The following SPIDR variants were observed in gnomAD, a reference collection of about 807,000 sequenced individuals.
The protein encoded by SPIDR is scaffold protein involved in DNA repair, also known as DNA repair-scaffolding protein.
SPIDR carries 93 observed loss-of-function variants against 104.6 expected under a neutral mutation model. The ratio of observed to expected loss-of-function variants is 0.89; its 90% CI spans 0.75 to 1.06. The LOEUF is 1.06. SPIDR is among the 50% of genes least tolerant of loss of function. The pLI is 0.00. For synonymous variants in SPIDR, 431 were observed against 416.9 expected, an observed-to-expected ratio of 1.03 and a Z score of -0.41; for missense variants, 1,154 against 1,111.2, an observed-to-expected ratio of 1.04 and a Z score of -0.55.
chr8:47,527,337 A>G (rs529015071), intron 8 of SPIDR: 1 of 152,290 alleles, frequency 6.6e-6, no homozygotes, highest in Admixed American at 6.5e-5. Context: ...GGGAGAAAAA[A>G]GCTTAGAAGC....
chr8:47,405,736 G>C (rs1398994654), intron 6 of SPIDR, among the ~76,000 whole-genome samples: 1 of 152,174 alleles, frequency 6.6e-6, no homozygotes, highest in East Asian at 1.9e-4. Context: ...GTTCAAAAGA[G>C]TTAATTTGGA....
At chr8:47,718,198 G>A (rs752704867) in intron 16 of SPIDR, among the ~76,000 whole-genome samples, 9 of 152,162 alleles carry the variant, frequency 5.9e-5, no homozygotes, top group African/African-American at 1.9e-4. Flanking sequence ...CTACGTGCTT[G>A]CCTCCATGTG....
chr8:47,343,340 A>G (rs564727341), intron 5 of SPIDR, among the ~76,000 whole-genome samples: 2 of 152,282 alleles, frequency 1.3e-5, no homozygotes, highest in South Asian at 4.1e-4. Context: ...TCTCATTCCC[A>G]GTACCTAGCA....
intron 10 of SPIDR, among the ~76,000 whole-genome samples, chr8:47,663,368 C>A (rs1440831181): frequency 6.6e-6 from 1 of 152,212 alleles, no homozygotes; most frequent in African/African-American, 2.4e-5. Flanking sequence ...ACACAGAGGG[C>A]AGGGACTGTT....
At chr8:47,660,360 G>T in intron 10 of SPIDR, 1 of 683,692 alleles carries the variant, frequency 1.5e-6, no homozygotes. Context: ...CCTCTTATCT[G>T]TATTATTTTA....
Position 47,701,785 on chromosome 8 carries a change from A to G in SPIDR, c.1838A>G (p.Gln613Arg). The G allele has an allele frequency of 6.2e-7, 1 of 1,614,188 alleles. No individual in the cohort carries two copies. The change falls in exon 13 of 20, where the codon CAA becomes CGA. Residue 613 changes from glutamine to arginine, a missense_variant. Transcript: ENST00000297423. ...YILTAHPNLG[Q>R]IDIIDEDPIY... ...CTCACAGCTCATCCAAATCTGGGAC[A>G]AATTGATATAATTGACGAAGACCCC...
intron 10 of SPIDR, among the ~76,000 whole-genome samples, chr8:47,634,076 C>CA (rs2067495484): frequency 6.8e-6 from 1 of 147,780 alleles, no homozygotes; most frequent in Non-Finnish European, 1.5e-5. Context: ...GCCTGCGTGA[C>CA]AGAGTAAGAC....
intron 7 of SPIDR, among the ~76,000 whole-genome samples, chr8:47,421,868 G>C (rs1472505113): frequency 3.9e-5 from 6 of 152,182 alleles, no homozygotes; most frequent in Admixed American, 3.9e-4. Context: ...GAGTTTGCTG[G>C]AGGTCCACTC....
chr8:47,664,743 CAAAA>C (rs771963348), intron 10 of SPIDR, among the ~76,000 whole-genome samples: 1 of 63,528 alleles, frequency 1.6e-5, no homozygotes. Flanking sequence ...CCCATCTCTA[CAAAA>C]AAAAAAAAAA....
chr8:47,393,850 TTCCTTCCTTCCG>T (rs1345248505), intron 5 of SPIDR, among the ~76,000 whole-genome samples: 2 of 149,874 alleles, frequency 1.3e-5, no homozygotes, highest in African/African-American at 5.0e-5. Flanking sequence ...TTTCCCTTCC[TTCCTTCCTTCCG>T]TCCTTCCGTC....
At chr8:47,381,933 C>G (rs2154300723) in intron 5 of SPIDR, among the ~76,000 whole-genome samples, 1 of 152,264 alleles carries the variant, frequency 6.6e-6, no homozygotes, top group South Asian at 2.1e-4. Context: ...TTTGTTCTAC[C>G]AGCTGGGTAG....
chr8:47,715,050 C>G (rs1358476931), intron 16 of SPIDR, among the ~76,000 whole-genome samples: 3 of 152,062 alleles, frequency 2.0e-5, no homozygotes, highest in African/African-American at 7.2e-5. Context: ...GAACAAAAAC[C>G]CATACCCGTT....
chr8:47,709,281 C>T (rs1017259395), intron 14 of SPIDR, among the ~76,000 whole-genome samples: 1 of 152,238 alleles, frequency 6.6e-6, no homozygotes, highest in Non-Finnish European at 1.5e-5. Context: ...GCTGGAATTA[C>T]AGGCATGCAC....
intron 8 of SPIDR, among the ~76,000 whole-genome samples, chr8:47,499,803 C>G (rs1320644733): frequency 1.3e-5 from 2 of 152,010 alleles, no homozygotes; most frequent in Non-Finnish European, 2.9e-5. Context: ...CCCACCCCAC[C>G]CACAACAGGC....
At chr8:47,421,989 C>A (rs889275807) in intron 7 of SPIDR, among the ~76,000 whole-genome samples, 1 of 152,252 alleles carries the variant, frequency 6.6e-6, no homozygotes, top group Middle Eastern at 3.4e-3. Context: ...CAGAGGAGTA[C>A]CTGGCTGTGT....
intron 5 of SPIDR, among the ~76,000 whole-genome samples, chr8:47,386,932 T>C (rs191944873): frequency 8.3e-5 from 12 of 144,846 alleles, no homozygotes; most frequent in African/African-American, 3.4e-4. Context: ...GATATAGATA[T>C]AGATATAGAT....
At chr8:47,477,903 C>T (rs2076462567) in intron 8 of SPIDR, among the ~76,000 whole-genome samples, 1 of 152,062 alleles carries the variant, frequency 6.6e-6, no homozygotes, top group Non-Finnish European at 1.5e-5. Flanking sequence ...GGAGGCACCC[C>T]CAGGAAAGAC....
chr8:47,636,500 C>T (rs2067941845), intron 10 of SPIDR, among the ~76,000 whole-genome samples: 3 of 152,178 alleles, frequency 2.0e-5, no homozygotes, highest in Admixed American at 1.3e-4. Context: ...AAAGCCAAGA[C>T]AGATCAAAAG....
At chr8:47,270,737 G>T (rs1167307497) in intron 1 of SPIDR, among the ~76,000 whole-genome samples, 1 of 152,212 alleles carries the variant, frequency 6.6e-6, no homozygotes, top group East Asian at 1.9e-4. Flanking sequence ...TGCTTTAGCT[G>T]CATCTATAGG....
Sources: gnomAD v4.1 joint callset for allele counts (sites outside exome capture counted in the v4.1 genomes callset) on GRCh38, gnomAD v4.1.1 for gene constraint, MANE v1.5 for transcripts, NCBI Gene and HGNC (gene_info 2026-07-23, HGNC 2026-07-21) for gene names.